Variants in ADAM32 observed in about 807,000 individuals in gnomAD.
The protein encoded by ADAM32 is ADAM metallopeptidase domain 32.
Under a neutral mutation model 114.9 loss-of-function variants are expected in ADAM32, and 89 were observed. The ratio of observed to expected loss-of-function variants is 0.77; its 90% CI spans 0.65 to 0.92. The LOEUF is 0.92. ADAM32 is among the 40% of genes least tolerant of loss of function. The pLI is 0.00. For synonymous variants in ADAM32, 285 were observed against 307.5 expected (o/e 0.93, Z 0.77); for missense variants, 870 against 932.8 (o/e 0.93, Z 0.88).
chr8:39,241,090 C>A (rs1810522146), intron 16 of ADAM32, among the ~76,000 whole-genome samples: 1 of 152,180 alleles, frequency 6.6e-6, no homozygotes, highest in African/African-American at 2.4e-5. Flanking sequence ...GCTACAGGTC[C>A]CATGCAAGTC....
chr8:39,139,317 TTTAAGTC>T (rs1802998816), intron 3 of ADAM32, among the ~76,000 whole-genome samples: 1 of 152,202 alleles, frequency 6.6e-6, no homozygotes, highest in African/African-American at 2.4e-5. Flanking sequence ...AGGTCTTACA[TTTAAGTC>T]TTTAATCCAT....
Position 39,245,539 on chromosome 8 carries a change from AT to A in ADAM32, c.1819-541del, listed in dbSNP as rs1810858823. Among the ~76,000 whole-genome samples, 2 of 152,192 alleles carry A rather than the reference AT, an allele frequency of 1.3e-5. 1 individual carries two copies. Among genetic ancestry groups the A allele is most frequent in the South Asian group, 4.1e-4 (2 of 4,828 alleles). On this transcript the variant is annotated intron_variant, in intron 16 of 24. Transcript: ENST00000379907. The stretch of plus-strand genomic sequence containing the variant: ...TGACTTGCATCCTTATAAAAAATAG[AT>A]TTGGATACACAACGAGACACCAGGG...
intron 2 of ADAM32, among the ~76,000 whole-genome samples, chr8:39,122,418 C>T (rs897440941): frequency 6.6e-6 from 1 of 152,076 alleles, no homozygotes; most frequent in Non-Finnish European, 1.5e-5. Context: ...ACAAGAGGTC[C>T]TTGTCTGTCT....
chr8:39,273,451 C>T (rs1034235605), intron 20 of ADAM32, among the ~76,000 whole-genome samples: 1 of 152,078 alleles, frequency 6.6e-6, no homozygotes, highest in African/African-American at 2.4e-5. Context: ...CGCTTGAGCC[C>T]AGGATGCAGA....
At chr8:39,208,204 C>T (rs1366353338) in intron 11 of ADAM32, among the ~76,000 whole-genome samples, 1 of 151,936 alleles carries the variant, frequency 6.6e-6, no homozygotes, top group African/African-American at 2.4e-5. Flanking sequence ...CAAGATATTG[C>T]CTTTATCCTC....
chr8:39,113,643 T>A (rs1840257420), intron 1 of ADAM32, among the ~76,000 whole-genome samples: 1 of 152,116 alleles, frequency 6.6e-6, no homozygotes, highest in Non-Finnish European at 1.5e-5. Context: ...TCCCTTAACC[T>A]CCATAGGTTC....
At chr8:39,201,250 C>T (rs1807381182) in intron 11 of ADAM32, among the ~76,000 whole-genome samples, 1 of 152,074 alleles carries the variant, frequency 6.6e-6, no homozygotes, top group South Asian at 2.1e-4. Flanking sequence ...TTCTTCCTAC[C>T]CATGAGCATG....
chr8:39,123,325 T>C (rs1352012546), intron 2 of ADAM32, among the ~76,000 whole-genome samples: 1 of 152,152 alleles, frequency 6.6e-6, no homozygotes, highest in Admixed American at 6.5e-5. Flanking sequence ...GCTTTGACTA[T>C]TCTAAGTCCT....
At chr8:39,126,061 G>T (rs531608801) in intron 2 of ADAM32, among the ~76,000 whole-genome samples, 5 of 152,268 alleles carry the variant, frequency 3.3e-5, no homozygotes, top group African/African-American at 1.2e-4. Context: ...TTTGGTTACT[G>T]TAGCCTTGTA....
upstream of ADAM32, chr8:39,107,537 C>A: frequency 8.2e-7 from 1 of 1,217,846 alleles, no homozygotes; most frequent in Non-Finnish European, 1.1e-6. Flanking sequence ...TCAGTGGCTC[C>A]AGCAACCACG....
chr8:39,264,013 G>C (rs1812203734), intron 19 of ADAM32, among the ~76,000 whole-genome samples: 1 of 152,094 alleles, frequency 6.6e-6, no homozygotes, highest in Non-Finnish European at 1.5e-5. Flanking sequence ...AGATGATAAA[G>C]GTATCTGTAA....
At chr8:39,254,116 C>A (rs912735584) in intron 17 of ADAM32, among the ~76,000 whole-genome samples, 1 of 151,360 alleles carries the variant, frequency 6.6e-6, no homozygotes, top group African/African-American at 2.4e-5. Context: ...GTCACATTTT[C>A]ATTATAATTT....
rs1203201983 is a variant in ADAM32 at position 39,115,932 on chromosome 8, TTCAGTTGCAG to T, written c.59-2151_59-2142del. Reference sequence around the variant, plus strand: ...ATTGGTTATTGAATATGGCAAAAGGTTCAGTTGCAGTCTTCTGCATATGAGTAGCCAGTTA... The same window carrying T: ...ATTGGTTATTGAATATGGCAAAAGGTTCTTCTGCATATGAGTAGCCAGTTA... On this transcript the variant is annotated intron_variant, in intron 1 of 24. Transcript: ENST00000379907. Among the ~76,000 whole-genome samples the T allele has an allele frequency of 2.0e-5, 3 of 152,100 alleles. No homozygotes were observed. The East Asian group carries it at 5.8e-4, about 29-fold the overall frequency.
Position 39,281,255 on chromosome 8 carries a change from G to A in ADAM32, c.2318+81G>A, listed in dbSNP as rs1026910010. On this transcript the variant is annotated intron_variant, in intron 23 of 24. Coordinates refer to ENST00000379907, the MANE Select transcript of ADAM32 (RefSeq NM_145004.7). The stretch of plus-strand genomic sequence containing the variant: ...AAAAGTTGATAATTCACAAATAATT[G>A]CTCAACATTTTTTGAGCAGCCACAA... The A allele has an allele frequency of 7.1e-6, 6 of 846,772 alleles. No homozygotes were observed. The African/African-American group carries it at 1.1e-4, about 15-fold the overall frequency. 52.5% of individuals were successfully genotyped at this position (846,772 alleles called of 1,614,324 possible). A position where few individuals can be genotyped will look rare whatever the true frequency, so the allele number is the denominator to read the frequency against.
intron 17 of ADAM32, among the ~76,000 whole-genome samples, chr8:39,251,233 T>G (rs1811274079): frequency 6.6e-6 from 1 of 151,882 alleles, no homozygotes; most frequent in South Asian, 2.1e-4. Context: ...TTTTTAGTTT[T>G]TTTGAGGAAT....
intron 14 of ADAM32, among the ~76,000 whole-genome samples, chr8:39,229,156 A>G (rs2129449160): frequency 6.6e-6 from 1 of 152,340 alleles, no homozygotes; most frequent in Admixed American, 6.5e-5. Context: ...TTACCAAGCC[A>G]CCACTACAAG....
At chr8:39,169,850 T>C in intron 9 of ADAM32, 66 bp from the exon 10 acceptor site, 1 of 1,223,392 alleles carries the variant, frequency 8.2e-7, no homozygotes, top group Non-Finnish European at 1.1e-6. Context: ...CTTAAATTAT[T>C]AGCAGGAATT....
intron 9 of ADAM32, chr8:39,166,848 T>C (rs1804871481): frequency 6.6e-6 from 1 of 152,220 alleles, no homozygotes; most frequent in South Asian, 2.1e-4. Flanking sequence ...TTGAGAATTG[T>C]CTATTCATGT....
At chr8:39,273,462 G>C (rs1812866728) in intron 20 of ADAM32, among the ~76,000 whole-genome samples, 1 of 152,152 alleles carries the variant, frequency 6.6e-6, no homozygotes, top group Admixed American at 6.5e-5. Context: ...AGGATGCAGA[G>C]GTTGCAGTGA....
Sources: allele counts gnomAD v4.1 joint callset (sites outside exome capture counted in the v4.1 genomes callset), GRCh38; gene constraint gnomAD v4.1.1; transcripts MANE v1.5; gene names NCBI Gene and HGNC (gene_info 2026-07-23, HGNC 2026-07-21).